Variants in MAPK10 observed in about 807,000 individuals in gnomAD.
The protein encoded by MAPK10 is mitogen-activated protein kinase 10.
Under a neutral mutation model 59.3 loss-of-function variants are expected in MAPK10, and 25 were observed. That is an observed-to-expected ratio of 0.42 (90% CI 0.31 to 0.59). The LOEUF (loss-of-function observed/expected upper bound fraction) is 0.59, where lower values mean the gene tolerates loss of function less well. Among genes scored for constraint, MAPK10 ranks in the 20% least tolerant of loss-of-function variants. The pLI is 0.15. For missense variants in MAPK10, 351 were observed against 568.9 expected, an observed-to-expected ratio of 0.62 and a Z score of 3.90; for synonymous variants, 190 against 200.5, an observed-to-expected ratio of 0.95 and a Z score of 0.44.
intron 1 of MAPK10, among the ~76,000 whole-genome samples, chr4:86,450,185 G>A (rs1178139838): frequency 6.6e-6 from 1 of 152,206 alleles, no homozygotes; most frequent in Non-Finnish European, 1.5e-5. Flanking sequence ...CAAATACTGT[G>A]CCTGCACATT....
chr4:86,018,005 G>A (rs953657029), intron 13 of MAPK10, among the ~76,000 whole-genome samples: 3 of 152,222 alleles, frequency 2.0e-5, no homozygotes, highest in African/African-American at 7.2e-5. Context: ...ACAGGCGTGA[G>A]CCACCACGCC....
chr4:86,467,237 G>A (rs1752281710), intron 1 of MAPK10, among the ~76,000 whole-genome samples: 1 of 152,202 alleles, frequency 6.6e-6, no homozygotes, highest in African/African-American at 2.4e-5. Flanking sequence ...GGAGTCATTT[G>A]TGCCAAGTGT....
chr4:86,539,559 A>G (rs1368371931), intron 1 of MAPK10, among the ~76,000 whole-genome samples: 1 of 152,220 alleles, frequency 6.6e-6, no homozygotes. Context: ...GAAAAGGGCA[A>G]TACTGAAGTT....
chr4:86,478,993 T>G (rs1352392675), intron 1 of MAPK10, among the ~76,000 whole-genome samples: 3 of 152,304 alleles, frequency 2.0e-5, no homozygotes, highest in Non-Finnish European at 4.4e-5. Context: ...CTCAGGGATT[T>G]GCCCCTGCCC....
chr4:86,143,659 A>G (rs1172501599), intron 4 of MAPK10, among the ~76,000 whole-genome samples: 1 of 152,230 alleles, frequency 6.6e-6, no homozygotes, highest in East Asian at 1.9e-4. Flanking sequence ...TTTGCTCATG[A>G]CAGTAGCTCA....
At chr4:86,051,504 A>C (rs534361218) in intron 11 of MAPK10, among the ~76,000 whole-genome samples, 1 of 152,286 alleles carries the variant, frequency 6.6e-6, no homozygotes, top group South Asian at 2.1e-4. Flanking sequence ...CTTGTGGTCT[A>C]TGTAGAGTTG....
chr4:86,361,250 G>A (rs754861392), upstream of MAPK10, among the ~76,000 whole-genome samples: 12 of 152,132 alleles, frequency 7.9e-5, no homozygotes, highest in Non-Finnish European at 1.8e-4. Context: ...TATTTGGGGA[G>A]AAAATTTAGA....
chr4:86,578,426 T>A (rs1451179618), intron 1 of MAPK10, among the ~76,000 whole-genome samples: 1 of 152,204 alleles, frequency 6.6e-6, no homozygotes, highest in Non-Finnish European at 1.5e-5. Context: ...TCTAATGATG[T>A]TGTTTAGAAA....
chr4:86,407,351 T>C (rs1394416102), intron 1 of MAPK10, among the ~76,000 whole-genome samples: 2 of 152,054 alleles, frequency 1.3e-5, no homozygotes, highest in African/African-American at 4.8e-5. Context: ...CAAGAGAACA[T>C]ATGGAGGGTT....
intron 4 of MAPK10, among the ~76,000 whole-genome samples, chr4:86,114,754 G>T (rs1192667575): frequency 6.6e-6 from 1 of 152,232 alleles, no homozygotes; most frequent in Non-Finnish European, 1.5e-5. Context: ...CATCTGGACT[G>T]CCAGCAGGCA....
At chr4:86,151,015 G>A (rs975379715) in intron 4 of MAPK10, among the ~76,000 whole-genome samples, 1 of 152,124 alleles carries the variant, frequency 6.6e-6, no homozygotes, top group African/African-American at 2.4e-5. Flanking sequence ...TTTTGTAGAT[G>A]AGAATTTGGT....
At chr4:86,107,860 TTTTG>T (rs1165091867) in intron 4 of MAPK10, among the ~76,000 whole-genome samples, 1 of 152,120 alleles carries the variant, frequency 6.6e-6, no homozygotes, top group Non-Finnish European at 1.5e-5. Flanking sequence ...GAACCAGGTG[TTTTG>T]TTTGTTATTG....
chr4:86,114,118 G>A (rs907851081), intron 4 of MAPK10, among the ~76,000 whole-genome samples: 7 of 152,114 alleles, frequency 4.6e-5, no homozygotes, highest in African/African-American at 1.7e-4. Context: ...CTCCTGTAAT[G>A]TTTTATCATG....
At chr4:86,507,655 T>TATATATATATATATATATATATATAC (rs1755887058) in intron 1 of MAPK10, among the ~76,000 whole-genome samples, 2 of 71,266 alleles carry the variant, frequency 2.8e-5, no homozygotes, top group African/African-American at 4.9e-5. Flanking sequence ...TATATATATA[T>TATATATATATATATATATATATATAC]ATATATATAT....
At chr4:86,552,238 A>T (rs1759849489) in intron 1 of MAPK10, among the ~76,000 whole-genome samples, 1 of 151,750 alleles carries the variant, frequency 6.6e-6, no homozygotes, top group South Asian at 2.1e-4. Context: ...TGGGCAACAT[A>T]GAAAGACCTC....
chr4:86,531,301 C>A (rs187144273), intron 1 of MAPK10, among the ~76,000 whole-genome samples: 2 of 152,328 alleles, frequency 1.3e-5, no homozygotes, highest in Admixed American at 1.3e-4. Context: ...TAAGGTCCCT[C>A]ACGCTGAGGA....
chr4:86,392,372 G>A (rs756429677), intron 1 of MAPK10: 2 of 151,852 alleles, frequency 1.3e-5, no homozygotes, highest in Non-Finnish European at 2.9e-5. Flanking sequence ...CCAGGAGGTG[G>A]AGGTTGTTGC....
In MAPK10 at chr4:86,448,674, C is replaced by T. The variant is rs141311755; in HGVS notation, c.-122+4356G>A. Among the ~76,000 whole-genome samples the T allele has an allele frequency of 1.4e-3, 217 of 152,194 alleles. 1 individual carries two copies. The highest frequency in any genetic ancestry group is 2.5e-3 in the Non-Finnish European group (169 of 68,012). The stretch of plus-strand genomic sequence containing the variant: ...CCCCAACATTTTTGGCACCAGGGAC[C>T]GGATTCATGGAAGACAATTTTTCCA... On this transcript the variant is annotated intron_variant, in intron 1 of 13. Coordinates refer to the MAPK10 transcript ENST00000361569.
Position 86,017,134 on chromosome 4 carries a change from T to C in MAPK10, c.*94A>G, listed in dbSNP as rs1210957791. ...CCCTTGCTGTTTTCTTGATGTTGTGTGTCTGCATTTGTGTGTGTGTGTGTG... is the reference window on the plus strand; with the variant it reads ...CCCTTGCTGTTTTCTTGATGTTGTGCGTCTGCATTTGTGTGTGTGTGTGTG... On this transcript the variant is annotated 3_prime_UTR_variant, in exon 14 of 14. Transcript: ENST00000641462. The surrounding 1 kb of genome is among the most constrained non-coding windows in gnomAD (Gnocchi z 4.4). The C allele has an allele frequency of 7.6e-7, 1 of 1,316,652 alleles. No individual in the cohort carries two copies. Among genetic ancestry groups the C allele is most frequent in the Non-Finnish European group, 1.1e-6 (1 of 950,448 alleles). 81.6% of individuals were successfully genotyped at this position (1,316,652 alleles called of 1,614,324 possible). A position where few individuals can be genotyped will look rare whatever the true frequency, so the allele number is the denominator to read the frequency against.
Sources: gnomAD v4.1 joint callset for allele counts (sites outside exome capture counted in the v4.1 genomes callset) on GRCh38, gnomAD v4.1.1 for gene constraint, Gnocchi (gnomAD v3.1) non-coding constraint, MANE v1.5 for transcripts, NCBI Gene and HGNC (gene_info 2026-07-23, HGNC 2026-07-21) for gene names.